RBMS3: variants seen among roughly 807,000 people sequenced by gnomAD.
The protein encoded by RBMS3 is RNA-binding motif, single-stranded-interacting protein 3.
A neutral mutation model predicts 66.8 loss-of-function variants in RBMS3; 27 were observed. The ratio of observed to expected loss-of-function variants is 0.40; its 90% CI spans 0.30 to 0.56. The LOEUF (loss-of-function observed/expected upper bound fraction) is 0.56. RBMS3 is among the 20% of genes least tolerant of loss of function. The pLI is 0.40. For missense variants in RBMS3, 513 were observed against 549.5 expected (o/e 0.93, Z 0.66); for synonymous variants, 188 against 183.0 (o/e 1.03, Z -0.22).
intron 3 of RBMS3, among the ~76,000 whole-genome samples, chr3:29,511,330 A>T (rs2044401978): frequency 1.3e-5 from 2 of 152,204 alleles, no homozygotes; most frequent in African/African-American, 4.8e-5. Context: ...GGTTATTTTA[A>T]ACCAAATTTC....
At chr3:29,978,896 A>T (rs1697778811) in intron 12 of RBMS3, among the ~76,000 whole-genome samples, 1 of 152,078 alleles carries the variant, frequency 6.6e-6, no homozygotes, top group South Asian at 2.1e-4. Flanking sequence ...GCATTTTGGG[A>T]GGCAGAGGCC....
chr3:29,504,415 G>A (rs113536157), intron 3 of RBMS3, among the ~76,000 whole-genome samples: 6 of 152,142 alleles, frequency 3.9e-5, no homozygotes, highest in South Asian at 2.1e-4. Context: ...AATTTAAGAG[G>A]CAGTGAGCAG....
intron 3 of RBMS3, 51 bp from the exon 4 acceptor site, chr3:29,587,063 A>C: frequency 3.4e-5 from 47 of 1,380,196 alleles, no homozygotes; most frequent in Non-Finnish European, 4.4e-5. Flanking sequence ...CAGTGAAGAT[A>C]GAGATTCAGC....
At chr3:29,567,843 C>G (rs2046802953) in intron 3 of RBMS3, among the ~76,000 whole-genome samples, 1 of 152,142 alleles carries the variant, frequency 6.6e-6, no homozygotes, top group South Asian at 2.1e-4. Context: ...CAACTCATAA[C>G]ACTTTAAAAT....
At chr3:29,383,115 T>A (rs981427815) in intron 1 of RBMS3, among the ~76,000 whole-genome samples, 1 of 152,238 alleles carries the variant, frequency 6.6e-6, no homozygotes. Context: ...AGGTCATAGA[T>A]GATGTATTCT....
At chr3:29,880,430 A>G (rs926499711) in intron 7 of RBMS3, among the ~76,000 whole-genome samples, 1 of 152,146 alleles carries the variant, frequency 6.6e-6, no homozygotes, top group African/African-American at 2.4e-5. Flanking sequence ...GAGTTTGTAA[A>G]CATGCCATAA....
chr3:29,878,333 G>T (rs1306704420), intron 7 of RBMS3, among the ~76,000 whole-genome samples: 1 of 151,984 alleles, frequency 6.6e-6, no homozygotes, highest in Non-Finnish European at 1.5e-5. Flanking sequence ...GATTTTTATT[G>T]GTTTCTCTGA....
At chr3:29,292,636 C>G (rs967217468) in intron 1 of RBMS3, among the ~76,000 whole-genome samples, 3 of 151,502 alleles carry the variant, frequency 2.0e-5, no homozygotes, top group Admixed American at 6.6e-5. Flanking sequence ...AACCTCAAAG[C>G]TTTTAGTGAT....
At chr3:29,444,025 G>A (rs368827236) in intron 2 of RBMS3, among the ~76,000 whole-genome samples, 1 of 152,164 alleles carries the variant, frequency 6.6e-6, no homozygotes, top group South Asian at 2.1e-4. Flanking sequence ...TCTTAGTCTT[G>A]TTATTTTTGA....
chr3:29,332,630 A>C (rs2125517734), intron 1 of RBMS3, among the ~76,000 whole-genome samples: 1 of 152,268 alleles, frequency 6.6e-6, no homozygotes. Context: ...GTTTTGAAAT[A>C]AATACTCGAA....
At chr3:29,925,778 A>G (rs749130753) in intron 10 of RBMS3, among the ~76,000 whole-genome samples, 2 of 152,216 alleles carry the variant, frequency 1.3e-5, no homozygotes, top group Admixed American at 6.5e-5. Context: ...GAGATTCTGT[A>G]CTAAGCTCCC....
intron 5 of RBMS3, among the ~76,000 whole-genome samples, chr3:29,747,390 GTAGATAGATAGATAGATAGATAGATAGA>G (rs56736478): frequency 1.3e-4 from 18 of 141,160 alleles, no homozygotes; most frequent in Admixed American, 7.1e-4. Flanking sequence ...AGGTAGGTAG[GTAGATAGATAGATAGATAGATAGATAGA>G]TAGATAGATA....
intron 3 of RBMS3, among the ~76,000 whole-genome samples, chr3:29,560,216 C>T (rs1436249596): frequency 6.6e-6 from 1 of 152,108 alleles, no homozygotes; most frequent in African/African-American, 2.4e-5. Context: ...TATTTCCAAA[C>T]AAATATTGTA....
intron 3 of RBMS3, among the ~76,000 whole-genome samples, chr3:29,524,497 G>A (rs1053231206): frequency 1.5e-5 from 2 of 136,778 alleles, no homozygotes; most frequent in Non-Finnish European, 1.5e-5. Flanking sequence ...GTGCGATCTC[G>A]GTTTACCACA....
chr3:29,559,223 A>T (rs2046457611), intron 3 of RBMS3, among the ~76,000 whole-genome samples: 1 of 151,978 alleles, frequency 6.6e-6, no homozygotes. Context: ...TTTTATATTG[A>T]GAAAAAGAAA....
At chr3:29,929,694 T>C (rs769066456) in intron 10 of RBMS3, among the ~76,000 whole-genome samples, 1 of 152,212 alleles carries the variant, frequency 6.6e-6, no homozygotes, top group Non-Finnish European at 1.5e-5. Context: ...TTATAATTAA[T>C]AGATATTCTG....
At chr3:29,940,758 C>CA (rs34538761) in intron 11 of RBMS3, among the ~76,000 whole-genome samples, 2,031 of 145,940 alleles carry the variant, frequency 0.014, 31 homozygotes, top group Admixed American at 0.04. Context: ...CTGCAGGCCT[C>CA]AAAAAAAAAA....
At chr3:29,824,827 T>C (rs2058164878) in intron 6 of RBMS3, among the ~76,000 whole-genome samples, 2 of 152,192 alleles carry the variant, frequency 1.3e-5, no homozygotes, top group South Asian at 4.1e-4. Context: ...TTCATAAATA[T>C]AGCTACTGAT....
intron 11 of RBMS3, among the ~76,000 whole-genome samples, chr3:29,937,925 C>T (rs2061307796): frequency 6.6e-6 from 1 of 151,772 alleles, no homozygotes; most frequent in Admixed American, 6.6e-5. Context: ...CTTCAGTGAT[C>T]ATAAATTCTG....
Sources: allele counts gnomAD v4.1 joint callset (sites outside exome capture counted in the v4.1 genomes callset), GRCh38; gene constraint gnomAD v4.1.1; transcripts MANE v1.5; gene names NCBI Gene and HGNC (gene_info 2026-07-23, HGNC 2026-07-21).